The following ENDOU variants were observed in gnomAD, a reference collection of about 807,000 sequenced individuals.
The protein encoded by ENDOU is uridylate-specific endoribonuclease.
A neutral mutation model predicts 54.2 loss-of-function variants in ENDOU; 49 were observed. That is an observed-to-expected ratio of 0.90 (90% CI 0.72 to 1.15). The LOEUF (loss-of-function observed/expected upper bound fraction) is 1.15, where lower values mean the gene tolerates loss of function less well. Among genes scored for constraint, ENDOU ranks in the 50% most tolerant of loss-of-function variants. ENDOU has a pLI of 0.00. For missense variants in ENDOU, 458 were observed against 511.4 expected (o/e 0.90, Z 1.01); for synonymous variants, 172 against 190.5 (o/e 0.90, Z 0.80).
In ENDOU at chr12:47,710,764, G is replaced by T. The variant is rs201335664; in HGVS notation, c.*38C>A. 2.8e-4 allele frequency: 388 copies of T among 1,394,008 alleles called. 1 individual carries two copies. The highest frequency in any genetic ancestry group is 1.0e-3 in the Admixed American group (60 of 59,704). The allele number at this position is 1,394,008 out of a possible 1,614,324, so 86.4% of individuals were successfully genotyped here. ...CCAGAGAAGATAGCACTTCAGTCTC[G>T]CAAGAGCCCTCATGCCCCTTTCTGG... On this transcript the variant is annotated 3_prime_UTR_variant, in exon 10 of 10. Coordinates refer to ENST00000422538, the MANE Select transcript of ENDOU (RefSeq NM_001172439.2).
chr12:47,718,986 C>G (rs925218416), intron 2 of ENDOU, among the ~76,000 whole-genome samples: 2 of 152,198 alleles, frequency 1.3e-5, no homozygotes, highest in East Asian at 3.8e-4. Context: ...TTAGGTTATT[C>G]TTCAGTCAAC....
Position 47,716,465 on chromosome 12 carries a change from T to C in ENDOU, c.586A>G (p.Lys196Glu). 1 of 1,613,888 alleles carries C rather than the reference T, an allele frequency of 6.2e-7. No homozygotes were observed. The highest frequency in any genetic ancestry group is 1.1e-5 in the South Asian group (1 of 91,064). The change falls in exon 6 of 10, where the codon AAG becomes GAG. Residue 196 changes from lysine (K) to glutamate (E), a missense_variant. Physicochemically the swap from Lys to Glu is moderately conservative, Grantham distance 56. Transcript: ENST00000422538. ...FTYVNEKLFS[K>E]PTYAAFINLL... ...TTGATGAAGGCTGCATAGGTGGGCT[T>C]GGAGAACAGCTTCTCATTGACATAA...
chr12:47,723,626 A>G (rs1290005417), intron 1 of ENDOU, among the ~76,000 whole-genome samples: 1 of 152,150 alleles, frequency 6.6e-6, no homozygotes, highest in East Asian at 1.9e-4. Flanking sequence ...TCAATATGCC[A>G]GAACAGCCAC....
intron 5 of ENDOU, 45 bp downstream of exon 5, chr12:47,716,844 TA>T (rs759310543): frequency 1.6e-5 from 26 of 1,597,354 alleles, no homozygotes; most frequent in Middle Eastern, 1.9e-4. Flanking sequence ...GAAGCAAGGA[TA>T]GGGGCAAGAT....
intron 9 of ENDOU, 82 bp downstream of exon 9, chr12:47,711,551 G>A (rs1940001421): frequency 6.7e-7 from 1 of 1,498,802 alleles, no homozygotes; most frequent in Non-Finnish European, 9.0e-7. Flanking sequence ...TTGTGGCAGA[G>A]TCCAGGTCTC....
intron 6 of ENDOU, 127 bp from the exon 7 acceptor site, chr12:47,713,515 G>A: frequency 1.5e-6 from 1 of 661,018 alleles, no homozygotes; most frequent in Non-Finnish European, 2.7e-6. Context: ...CAACAAATGT[G>A]TTCGGCTGTT....
rs1275541936 is a variant in ENDOU at position 47,716,323 on chromosome 12, A to G, written c.728T>C (p.Leu243Pro). ...ACTCTGGTGATGGAGGAAGCTGTAG[A>G]GCTCCTTCATGACTGCTGTCTTCAT... is the stretch of plus-strand genomic sequence containing the variant. ...EIMKTAVMKE[L>P]YSFLHHQNRY... The change falls in exon 6 of 10, where the codon CTC becomes CCC. Residue 243 changes from leucine to proline, a missense_variant. Transcript: ENST00000422538. 15 of 1,614,034 alleles carry G rather than the reference A, an allele frequency of 9.3e-6. No individual in the cohort carries two copies. Among genetic ancestry groups the G allele is most frequent in the Non-Finnish European group, 1.2e-5 (14 of 1,180,020 alleles).
intron 6 of ENDOU, among the ~76,000 whole-genome samples, chr12:47,714,608 A>G (rs775676842): frequency 1.3e-5 from 2 of 152,242 alleles, no homozygotes; most frequent in African/African-American, 2.4e-5. Context: ...AAAGAGAACA[A>G]TTACATCTAA....
At chr12:47,714,466 T>C (rs957097535) in intron 6 of ENDOU, among the ~76,000 whole-genome samples, 6 of 152,286 alleles carry the variant, frequency 3.9e-5, no homozygotes, top group South Asian at 2.1e-4. Flanking sequence ...ACGTAAGAAG[T>C]TGATGGGGCT....
chr12:47,717,113 C>A, intron 4 of ENDOU, 55 bp from the exon 5 acceptor site: 1 of 1,541,666 alleles, frequency 6.5e-7, no homozygotes, highest in Non-Finnish European at 8.9e-7. Flanking sequence ...GGGGGGCGGG[C>A]AGGAAATTAT....
At chr12:47,720,666 C>T (rs1940400592) in intron 2 of ENDOU, 87 bp downstream of exon 2, 1 of 1,440,700 alleles carries the variant, frequency 6.9e-7, no homozygotes, top group Admixed American at 2.1e-5. Context: ...CCCTGTGAGT[C>T]CTGAACGCTG....
intron 8 of ENDOU, among the ~76,000 whole-genome samples, chr12:47,712,192 C>T (rs1398658152): frequency 6.6e-6 from 1 of 152,208 alleles, no homozygotes; most frequent in African/African-American, 2.4e-5. Flanking sequence ...AAACTTTCAG[C>T]CACGTTCTAA....
rs1419207929 is a variant in ENDOU at position 47,712,522 on chromosome 12, A to G, written c.966T>C (p.Asp322=). ...TTCTAGTCCGTGTACTCACAGGCCC[A>G]TCGTAGATGTGACTGTAATAGTCAA... ...GLVDYYSHIY[D]GPWDSYPDVL... is the part of the protein sequence containing the mutation. Residue 322 remains aspartate (D), a synonymous_variant, in exon 8 of 10, where the codon GAT becomes GAC. Transcript: ENST00000422538. 2 of 1,611,948 alleles carry G rather than the reference A, an allele frequency of 1.2e-6. No individual in the cohort carries two copies. The highest frequency in any genetic ancestry group is 1.7e-6 in the Non-Finnish European group (2 of 1,178,052).
At chr12:47,721,689 G>A (rs1940439182) in intron 1 of ENDOU, among the ~76,000 whole-genome samples, 1 of 152,220 alleles carries the variant, frequency 6.6e-6, no homozygotes, top group Non-Finnish European at 1.5e-5. Flanking sequence ...CCCCACTGCA[G>A]CCAAATGGTT....
intron 6 of ENDOU, among the ~76,000 whole-genome samples, chr12:47,715,185 C>T (rs892815822): frequency 2.6e-5 from 4 of 152,204 alleles, no homozygotes; most frequent in Non-Finnish European, 4.4e-5. Flanking sequence ...GCAGAGGTGC[C>T]GAAAGCCAGA....
intron 1 of ENDOU, among the ~76,000 whole-genome samples, chr12:47,723,108 G>A (rs1940484558): frequency 6.6e-6 from 1 of 152,186 alleles, no homozygotes; most frequent in African/African-American, 2.4e-5. Context: ...TCCAGCAGCT[G>A]GCACCAGTTG....
In ENDOU at chr12:47,713,338, A is replaced by G. The variant is rs761592510; in HGVS notation, c.802T>C (p.Phe268Leu). The G allele has an allele frequency of 8.7e-6, 14 of 1,614,022 alleles. No homozygotes were observed. In the South Asian group the frequency reaches 1.3e-4, roughly 15 times the overall value. Residue 268 changes from phenylalanine to leucine, a missense_variant, in exon 7 of 10, where the codon TTT becomes CTT. Physicochemically the swap from Phe to Leu is conservative, Grantham distance 22 (BLOSUM62 0). Coordinates refer to ENST00000422538, the MANE Select transcript of ENDOU (RefSeq NM_001172439.2). Reference sequence around the variant, plus strand: ...TCATTGCCTCTTGAATAGAGCCCAAACCACATGTTCTTCAAGTCATCGACA... The same window carrying G: ...TCATTGCCTCTTGAATAGAGCCCAAGCCACATGTTCTTCAAGTCATCGACA... Reference protein sequence around the residue: ...EFVDDLKNMWFGLYSRGNEEG... With the variant: ...EFVDDLKNMWLGLYSRGNEEG...
chr12:47,717,729 C>T, intron 3 of ENDOU, 74 bp from the exon 4 acceptor site: 1 of 1,496,676 alleles, frequency 6.7e-7, no homozygotes, highest in South Asian at 1.2e-5. Context: ...GCTGTCGCTC[C>T]CTAGCCTGGC....
At chr12:47,715,333 A>G (rs1940188774) in intron 6 of ENDOU, among the ~76,000 whole-genome samples, 1 of 152,190 alleles carries the variant, frequency 6.6e-6, no homozygotes, top group African/African-American at 2.4e-5. Context: ...TGGCATCGGA[A>G]CCCTGAGTTC....
Sources: gnomAD v4.1 joint callset for allele counts (sites outside exome capture counted in the v4.1 genomes callset) on GRCh38, gnomAD v4.1.1 for gene constraint, MANE v1.5 for transcripts, NCBI Gene and HGNC (gene_info 2026-07-23, HGNC 2026-07-21) for gene names.